Variants in DDC observed in about 807,000 individuals in gnomAD.
DDC encodes dopa decarboxylase, also known as aromatic-L-amino-acid decarboxylase.
A neutral mutation model predicts 60.0 loss-of-function variants in DDC; 43 were observed. The observed-to-expected ratio is 0.72, with a 90% CI of 0.56 to 0.92. DDC has a LOEUF of 0.92. Ranked by LOEUF, DDC falls within the 40% of genes least tolerant of loss-of-function variation. DDC has a pLI of 0.00. For synonymous variants in DDC, 232 were observed against 234.6 expected, an observed-to-expected ratio of 0.99 and a Z score of 0.10; for missense variants, 573 against 620.2, an observed-to-expected ratio of 0.92 and a Z score of 0.81.
At chr7:50,540,421 T>C (rs1296726389) in intron 2 of DDC, among the ~76,000 whole-genome samples, 2 of 152,062 alleles carry the variant, frequency 1.3e-5, no homozygotes, top group Non-Finnish European at 2.9e-5. Flanking sequence ...AAGGCTGATC[T>C]CTTTGTGCCA....
chr7:50,497,290 C>A (rs2043147551), intron 8 of DDC, among the ~76,000 whole-genome samples: 1 of 152,206 alleles, frequency 6.6e-6, no homozygotes, highest in South Asian at 2.1e-4. Flanking sequence ...CTGTCTGTTG[C>A]TGATAGGATC....
intron 2 of DDC, among the ~76,000 whole-genome samples, chr7:50,540,420 C>G (rs1309576399): frequency 6.6e-6 from 1 of 151,934 alleles, no homozygotes. Flanking sequence ...CAAGGCTGAT[C>G]TCTTTGTGCC....
chr7:50,488,694 T>C (rs2042936875), intron 9 of DDC, among the ~76,000 whole-genome samples: 1 of 152,134 alleles, frequency 6.6e-6, no homozygotes, highest in Non-Finnish European at 1.5e-5. Context: ...TTTCTAGAAA[T>C]TGGGCTTTGA....
chr7:50,500,662 G>A (rs1361640921), intron 7 of DDC, among the ~76,000 whole-genome samples: 1 of 152,198 alleles, frequency 6.6e-6, no homozygotes, highest in African/African-American at 2.4e-5. Context: ...CTAAGCCTCG[G>A]TTCAGGTCCA....
chr7:50,474,691 G>A (rs2042603662), intron 11 of DDC, among the ~76,000 whole-genome samples: 1 of 152,238 alleles, frequency 6.6e-6, no homozygotes, highest in Non-Finnish European at 1.5e-5. Context: ...TTGAAAGACA[G>A]TGCCAAGTTT....
intron 13 of DDC, among the ~76,000 whole-genome samples, chr7:50,466,866 G>A (rs781736893): frequency 1.1e-4 from 16 of 152,256 alleles, no homozygotes; most frequent in Non-Finnish European, 2.2e-4. Context: ...ATCCACAGAA[G>A]ACACTCAGAT....
intron 6 of DDC, among the ~76,000 whole-genome samples, chr7:50,511,995 C>T (rs1342824078): frequency 1.3e-5 from 2 of 152,078 alleles, no homozygotes; most frequent in East Asian, 3.9e-4. Flanking sequence ...TAAATCACCA[C>T]TAAAAAACTT....
rs771317809 is a variant in DDC, at chr7:50,470,140, C to T, written c.1073G>A (p.Arg358His). The T allele has an allele frequency of 5.6e-6, 9 of 1,613,368 alleles. No individual in the cohort carries two copies. The highest frequency in any genetic ancestry group is 1.1e-5 in the South Asian group (1 of 91,068). ...HWQIPLGRRF[R>H]SLKMWFVFRM... ...AAATACAAACCACATTTTCAAAGAGCGAAATCTTCTGCCCAGTGGTATCTG... is the reference window on the plus strand; with the variant it reads ...AAATACAAACCACATTTTCAAAGAGTGAAATCTTCTGCCCAGTGGTATCTG... The change falls in exon 12 of 15, where the codon CGC (arginine) becomes CAC (histidine). Residue 358 changes from arginine (R) to histidine (H), a missense_variant. By Grantham distance (29) the Arg-to-His change is conservative. Transcript: ENST00000444124.
At chr7:50,488,974 A>C (rs2042942924) in intron 9 of DDC, among the ~76,000 whole-genome samples, 1 of 151,968 alleles carries the variant, frequency 6.6e-6, no homozygotes, top group Admixed American at 6.6e-5. Context: ...CTTAACTTAA[A>C]GATCTAAACT....
intron 6 of DDC, among the ~76,000 whole-genome samples, chr7:50,510,912 T>C (rs2043547764): frequency 7.7e-6 from 1 of 129,200 alleles, no homozygotes; most frequent in East Asian, 2.4e-4. Flanking sequence ...ACCTGGGAGG[T>C]GGAGTTTGCA....
At chr7:50,461,715 C>T (rs992673731) in intron 14 of DDC, among the ~76,000 whole-genome samples, 10 of 152,256 alleles carry the variant, frequency 6.6e-5, no homozygotes, top group Non-Finnish European at 1.2e-4. Flanking sequence ...ACTTTCCCTC[C>T]CCTCACATAG....
intron 1 of DDC, among the ~76,000 whole-genome samples, chr7:50,551,007 G>T (rs146663143): frequency 6.6e-6 from 1 of 152,080 alleles, no homozygotes; most frequent in African/African-American, 2.4e-5. Context: ...TCTTGTTTAC[G>T]TTTCTGCACA....
rs377528325 is a variant in DDC at position 50,537,929 on chromosome 7, G to A, written c.366C>T (p.Leu122=). 206 of 1,613,838 alleles carry A rather than the reference G, an allele frequency of 1.3e-4. No individual in the cohort carries two copies. The highest frequency in any genetic ancestry group is 4.2e-4 in the Admixed American group (25 of 59,986). Residue 122 remains leucine (L), a synonymous_variant, in exon 4 of 15, where the codon CTC becomes CTT. Transcript: ENST00000444124. ...TELETVMMDW[L]GKMLELPKAF... is the part of the protein sequence containing the mutation. ...CCTTTGGTAGTTCCAGCATCTTCCCGAGCCAGTCCATCATCACAGTCTCCA... is the reference window on the plus strand; with the variant it reads ...CCTTTGGTAGTTCCAGCATCTTCCCAAGCCAGTCCATCATCACAGTCTCCA...
chr7:50,477,237 A>C (rs1319532179), intron 10 of DDC, among the ~76,000 whole-genome samples: 1 of 152,190 alleles, frequency 6.6e-6, no homozygotes, highest in African/African-American at 2.4e-5. Flanking sequence ...CTCATGCCTA[A>C]AGCAGCAAAC....
At chr7:50,482,061 G>A (rs1442047230) in intron 9 of DDC, among the ~76,000 whole-genome samples, 4 of 152,218 alleles carry the variant, frequency 2.6e-5, no homozygotes, top group African/African-American at 9.6e-5. Flanking sequence ...GGAGCCCCTA[G>A]TGGCAGCGCC....
At chr7:50,473,045 T>C (rs7803247) in intron 11 of DDC, among the ~76,000 whole-genome samples, 79,096 of 152,084 alleles carry the variant, frequency 0.52, 20,960 homozygotes, top group Admixed American at 0.61. Flanking sequence ...GGAATTCACA[T>C]TCAAGGTGGG....
intron 1 of DDC, among the ~76,000 whole-genome samples, chr7:50,552,350 A>T (rs183876519): frequency 1.2e-4 from 19 of 152,328 alleles, no homozygotes; most frequent in Admixed American, 2.0e-4. Flanking sequence ...GTGTTCCAGC[A>T]GCTGCACACG....
chr7:50,547,885 T>C (rs2044858821), intron 1 of DDC, among the ~76,000 whole-genome samples: 1 of 152,236 alleles, frequency 6.6e-6, no homozygotes, highest in African/African-American at 2.4e-5. Context: ...TTTTTACAAA[T>C]AGAAGGTTTG....
chr7:50,527,269 A>T (rs2044064800), intron 6 of DDC, among the ~76,000 whole-genome samples: 1 of 152,110 alleles, frequency 6.6e-6, no homozygotes, highest in Non-Finnish European at 1.5e-5. Context: ...GAGTTTTGAA[A>T]TTTTTGTAAA....
Sources: allele counts gnomAD v4.1 joint callset (sites outside exome capture counted in the v4.1 genomes callset), GRCh38; gene constraint gnomAD v4.1.1; transcripts MANE v1.5; gene names NCBI Gene and HGNC (gene_info 2026-07-23, HGNC 2026-07-21).